Variants in PPARD observed in about 807,000 individuals in gnomAD.
PPARD encodes the protein peroxisome proliferator-activated receptor delta.
PPARD carries 6 observed loss-of-function variants against 39.5 expected under a neutral mutation model. That is an observed-to-expected ratio of 0.15 (90% confidence interval 0.08 to 0.30). PPARD has a LOEUF of 0.30. Among genes scored for constraint, PPARD ranks in the 10% least tolerant of loss-of-function variants. The pLI is 1.00. For synonymous variants in PPARD, 210 were observed against 231.3 expected, an observed-to-expected ratio of 0.91 and a Z score of 0.83; for missense variants, 397 against 596.8, an observed-to-expected ratio of 0.67 and a Z score of 3.49.
At chr6:35,385,054 G>A in intron 2 of PPARD, among the ~76,000 whole-genome samples, 1 of 146,818 alleles carries the variant, frequency 6.8e-6, no homozygotes, top group African/African-American at 2.7e-5. Context: ...CCGTCCGGGA[G>A]GTGACGGGCG....
intron 2 of PPARD, among the ~76,000 whole-genome samples, chr6:35,349,174 C>G (rs939432972): frequency 6.6e-6 from 1 of 152,086 alleles, no homozygotes; most frequent in Non-Finnish European, 1.5e-5. Flanking sequence ...TACAGGCGCC[C>G]GCCACCACGC....
At chr6:35,421,989 G>A (rs201141560) in intron 5 of PPARD, 31 bp downstream of exon 5, 334 of 1,575,752 alleles carry the variant, frequency 2.1e-4, no homozygotes, top group Non-Finnish European at 1.7e-4. Context: ...CTCACGGGCT[G>A]CTGGCTCCAC....
chr6:35,420,375 C>A, intron 4 of PPARD, 94 bp downstream of exon 4: 1 of 1,435,224 alleles, frequency 7.0e-7, no homozygotes. Flanking sequence ...GGGGTGGGGC[C>A]CTGACTGTAC....
At chr6:35,377,302 G>A (rs1455031786) in intron 2 of PPARD, among the ~76,000 whole-genome samples, 1 of 152,122 alleles carries the variant, frequency 6.6e-6, no homozygotes, top group Admixed American at 6.5e-5. Context: ...GACGTCATTT[G>A]TTTTATTTTA....
intron 2 of PPARD, among the ~76,000 whole-genome samples, chr6:35,375,290 T>C (rs993134114): frequency 1.5e-5 from 2 of 133,154 alleles, no homozygotes; most frequent in Admixed American, 1.8e-4. Context: ...TAATCTCAGC[T>C]CAGCGCAACC....
intron 2 of PPARD, among the ~76,000 whole-genome samples, chr6:35,358,134 A>G (rs187591590): frequency 3.5e-4 from 53 of 152,326 alleles, no homozygotes; most frequent in Admixed American, 7.2e-4. Context: ...GGACCCCTAA[A>G]TGCAATCCCA....
intron 3 of PPARD, among the ~76,000 whole-genome samples, chr6:35,417,261 C>T (rs1258522422): frequency 2.6e-5 from 4 of 151,948 alleles, no homozygotes; most frequent in Non-Finnish European, 5.9e-5. Flanking sequence ...GCCTCAGCCT[C>T]CCAAAGTGTT....
At chr6:35,405,391 G>T (rs1252859669) in intron 2 of PPARD, among the ~76,000 whole-genome samples, 2 of 152,016 alleles carry the variant, frequency 1.3e-5, no homozygotes, top group Admixed American at 1.3e-4. Flanking sequence ...TTGGTGAGGG[G>T]CTACATTGCT....
In PPARD at chr6:35,420,220, G is replaced by A. The variant is rs1480599037; in HGVS notation, c.224G>A (p.Arg75Gln). 8.1e-6 allele frequency: 13 copies of A among 1,609,874 alleles called. No individual in the cohort carries two copies. The highest frequency in any genetic ancestry group is 3.3e-5 in the South Asian group (3 of 90,478). Residue 75 changes from arginine (R) to glutamine (Q), a missense_variant, in exon 4 of 8, where the codon CGG (arginine) becomes CAG (glutamine). By Grantham distance (43) the Arg-to-Gln change is conservative. Transcript: ENST00000360694. Reference protein sequence around the residue: ...ASCGSLNMECRVCGDKASGFH... With the variant: ...ASCGSLNMECQVCGDKASGFH... ...TGCGGCAGCCTCAACATGGAGTGCC[G>A]GGTGTGCGGGGACAAGGCATCGGGC...
rs528518233 is a variant in PPARD at position 35,422,577 on chromosome 6, AGG to A, written c.424+622_424+623del. ...TCTCTGAGTAAGACCCCTAGAGGAC[AGG>A]GGAGAGCCTCTTGTGATCTCTACAG... On this transcript the variant is annotated intron_variant, in intron 5 of 7. Transcript: ENST00000360694. Among the ~76,000 whole-genome samples, 378 of 152,310 alleles carry A rather than the reference AGG, an allele frequency of 2.5e-3. 1 individual carries two copies. Among genetic ancestry groups the A allele is most frequent in the Non-Finnish European group, 4.0e-3 (272 of 68,020 alleles).
chr6:35,425,269 G>A lies in PPARD; in HGVS notation c.1078+490G>A, dbSNP rs199578795. ...AGCCTGGGTGACAGAGTGAGACCCT[G>A]TCTCAAAAAAAAGGAAAAGGACTAA... On this transcript the variant is annotated intron_variant, in intron 7 of 7. Coordinates refer to ENST00000360694, the MANE Select transcript of PPARD (RefSeq NM_006238.5). The surrounding 1 kb of genome is among the most constrained non-coding windows in gnomAD (Gnocchi z 4.5). The A allele has an allele frequency of 5.1e-5, 51 of 1,001,710 alleles. 1 individual carries two copies. Among genetic ancestry groups the A allele is most frequent in the Non-Finnish European group, 6.1e-5 (51 of 838,440 alleles). 62.1% of individuals were successfully genotyped at this position (1,001,710 alleles called of 1,614,324 possible).
chr6:35,383,307 A>C (rs77304520), intron 2 of PPARD, among the ~76,000 whole-genome samples: 3,193 of 152,238 alleles, frequency 0.021, 68 homozygotes, highest in African/African-American at 0.052. Flanking sequence ...CTCAGCAAAC[A>C]AATGGGTAAC....
intron 2 of PPARD, among the ~76,000 whole-genome samples, chr6:35,368,036 C>T (rs1381781129): frequency 1.3e-5 from 2 of 152,220 alleles, no homozygotes; most frequent in African/African-American, 4.8e-5. Flanking sequence ...GTCTGTCATG[C>T]CATACTGCAT....
At chr6:35,397,544 C>T in intron 2 of PPARD, 1 of 985,376 alleles carries the variant, frequency 1.0e-6, no homozygotes, top group South Asian at 4.7e-5. Context: ...TCAGATACCC[C>T]TGGAAAACTG....
chr6:35,347,683 A>G (rs2150416327), intron 2 of PPARD, among the ~76,000 whole-genome samples: 1 of 152,062 alleles, frequency 6.6e-6, no homozygotes, highest in Admixed American at 6.6e-5. Flanking sequence ...ATCTTGGCTC[A>G]CTGCCACCTC....
intron 2 of PPARD, chr6:35,397,476 T>C (rs1764415103): frequency 1.1e-6 from 1 of 939,314 alleles, no homozygotes. Context: ...TATGCTCATC[T>C]TGATAAGCTC....
chr6:35,398,188 T>C (rs954824123), intron 2 of PPARD, among the ~76,000 whole-genome samples: 1 of 152,048 alleles, frequency 6.6e-6, no homozygotes, highest in African/African-American at 2.4e-5. Context: ...TTTAGAAGGA[T>C]CACTTTGACT....
At chr6:35,397,403 T>C in intron 2 of PPARD, 1 of 362,220 alleles carries the variant, frequency 2.8e-6, no homozygotes, top group South Asian at 1.1e-4. Context: ...GCAAAAGAAC[T>C]AGCCAGACGC....
Position 35,424,544 on chromosome 6 carries a change from T to C in PPARD, c.843T>C (p.Leu281=). 1 of 1,614,204 alleles carries C rather than the reference T, an allele frequency of 6.2e-7. No homozygotes were observed. Among genetic ancestry groups the C allele is most frequent in the Non-Finnish European group, 8.5e-7 (1 of 1,180,040 alleles). ...SSLFLNDQVT[L]LKYGVHEAIF... ...TCTTCCTCAACGACCAGGTTACCCTTCTCAAGTATGGCGTGCACGAGGCCA... is the reference window on the plus strand; with the variant it reads ...TCTTCCTCAACGACCAGGTTACCCTCCTCAAGTATGGCGTGCACGAGGCCA... Residue 281 remains leucine (L), a synonymous_variant, in exon 7 of 8, where the codon CTT becomes CTC. Transcript: ENST00000360694. This position sits in a 1 kb window ranked among gnomAD's most constrained non-coding sequence, Gnocchi z 7.1.
Sources: gnomAD v4.1 joint callset for allele counts (sites outside exome capture counted in the v4.1 genomes callset) on GRCh38, gnomAD v4.1.1 for gene constraint, Gnocchi (gnomAD v3.1) non-coding constraint, MANE v1.5 for transcripts, NCBI Gene and HGNC (gene_info 2026-07-23, HGNC 2026-07-21) for gene names.